The following CRPPA variants were observed in gnomAD, a reference collection of about 807,000 sequenced individuals.
CRPPA encodes D-ribitol-5-phosphate cytidylyltransferase.
Under a neutral mutation model 52.0 loss-of-function variants are expected in CRPPA, and 43 were observed. The ratio of observed to expected loss-of-function variants is 0.83; its 90% CI spans 0.65 to 1.07. The LOEUF is 1.07. CRPPA is among the 50% of genes least tolerant of loss of function. The pLI, the probability that CRPPA is intolerant of heterozygous loss-of-function variation, is 0.00. For missense variants in CRPPA, 629 were observed against 551.7 expected (o/e 1.14, Z -1.40); for synonymous variants, 250 against 203.5 (o/e 1.23, Z -1.94).
chr7:16,406,147 C>T lies in CRPPA; in HGVS notation c.448G>A (p.Glu150Lys). 1 of 1,614,000 alleles carries T rather than the reference C, an allele frequency of 6.2e-7. No individual in the cohort carries two copies. Among genetic ancestry groups the T allele is most frequent in the Non-Finnish European group, 8.5e-7 (1 of 1,179,880 alleles). The stretch of plus-strand genomic sequence containing the variant: ...ACAGCATCATGGATAATCACTACTT[C>T]TGGCTTAGAGAGTTTAGAGTTGATC... Reference protein sequence around the residue: ...DQINSKLSKPEVVIIHDAVRP... With the variant: ...DQINSKLSKPKVVIIHDAVRP... The change falls in exon 2 of 10, where the codon GAA becomes AAA. Residue 150 changes from glutamate (E) to lysine (K), a missense_variant. Transcript: ENST00000407010.
chr7:16,219,878 G>C (rs1782451076), intron 8 of CRPPA, among the ~76,000 whole-genome samples: 1 of 150,294 alleles, frequency 6.7e-6, no homozygotes, highest in African/African-American at 2.5e-5. Context: ...GGAGGAACTG[G>C]TACCATTCCT....
intron 5 of CRPPA, among the ~76,000 whole-genome samples, chr7:16,299,083 T>A (rs1235281073): frequency 1.3e-5 from 2 of 152,206 alleles, no homozygotes; most frequent in Non-Finnish European, 2.9e-5. Flanking sequence ...TCTCTGTACA[T>A]CCTACTGGTT....
chr7:16,141,853 TG>T (rs1782879092), intron 9 of CRPPA, among the ~76,000 whole-genome samples: 1 of 152,158 alleles, frequency 6.6e-6, no homozygotes, highest in Admixed American at 6.5e-5. Flanking sequence ...GCTCCTGTGG[TG>T]CTCCTTGGGT....
At position 16,163,966 on chromosome 7, in the gene CRPPA, G is replaced by C. The variant is rs371275813; in HGVS notation, c.1251+52100C>G. On this transcript the variant is annotated intron_variant, in intron 9 of 9. Coordinates refer to ENST00000407010, the MANE Select transcript of CRPPA (RefSeq NM_001101426.4). ...GCATTTTTTTCTTCATTTCAACCTT[G>C]ATGAATCTGACAATTACGTGTCTTG... is the stretch of plus-strand genomic sequence containing the variant. Among the ~76,000 whole-genome samples, 23 of 152,188 alleles carry C rather than the reference G, an allele frequency of 1.5e-4. No homozygotes were observed. In the East Asian group the frequency reaches 3.9e-3, roughly 26 times the overall value.
chr7:16,286,125 A>G, intron 5 of CRPPA, among the ~76,000 whole-genome samples: 1 of 114,486 alleles, frequency 8.7e-6, no homozygotes, highest in Non-Finnish European at 1.7e-5. Flanking sequence ...TATGCCAAAA[A>G]GAAACAATGT....
chr7:16,096,303 GA>G (rs1395292300), intron 9 of CRPPA, among the ~76,000 whole-genome samples: 1 of 151,338 alleles, frequency 6.6e-6, no homozygotes, highest in East Asian at 1.9e-4. Flanking sequence ...ATAATCAGGA[GA>G]AAAAAATAAT....
At chr7:16,246,793 G>A (rs1393156875) in intron 8 of CRPPA, among the ~76,000 whole-genome samples, 1 of 152,230 alleles carries the variant, frequency 6.6e-6, no homozygotes, top group African/African-American at 2.4e-5. Context: ...AAGCAGATGT[G>A]CTGTCATCCA....
intron 9 of CRPPA, among the ~76,000 whole-genome samples, chr7:16,103,864 T>C: frequency 6.6e-6 from 1 of 152,184 alleles, no homozygotes; most frequent in African/African-American, 2.4e-5. Flanking sequence ...ATAATATTGA[T>C]AATTTCTCAA....
chr7:16,306,488 A>C (rs1043394057), intron 4 of CRPPA, among the ~76,000 whole-genome samples: 9 of 152,236 alleles, frequency 5.9e-5, no homozygotes, highest in Admixed American at 6.5e-5. Flanking sequence ...TGTAACATTC[A>C]GAGAGTAATG....
chr7:16,379,811 A>T (rs1379005982), intron 2 of CRPPA, among the ~76,000 whole-genome samples: 1 of 152,184 alleles, frequency 6.6e-6, no homozygotes, highest in South Asian at 2.1e-4. Flanking sequence ...GATGTATAAG[A>T]ATGCTTGTGA....
At chr7:16,289,228 C>T (rs1029245511) in intron 5 of CRPPA, among the ~76,000 whole-genome samples, 2 of 151,922 alleles carry the variant, frequency 1.3e-5, no homozygotes, top group Admixed American at 6.6e-5. Context: ...CTCTCAAGAA[C>T]GAAAAGCCCA....
At chr7:16,307,099 T>A (rs1157927803) in intron 4 of CRPPA, among the ~76,000 whole-genome samples, 1 of 152,180 alleles carries the variant, frequency 6.6e-6, no homozygotes, top group Non-Finnish European at 1.5e-5. Context: ...AATATGCTTA[T>A]AGACTCAATT....
intron 8 of CRPPA, among the ~76,000 whole-genome samples, chr7:16,242,301 T>C (rs73291493): frequency 0.018 from 2,800 of 152,128 alleles, 102 homozygotes; most frequent in African/African-American, 0.064. Context: ...TTTTATGAAT[T>C]TACCTTTTAG....
chr7:16,387,074 T>TACAC (rs1379806975), intron 2 of CRPPA, among the ~76,000 whole-genome samples: 1,633 of 69,714 alleles, frequency 0.023, 64 homozygotes, highest in African/African-American at 0.12. Flanking sequence ...TATATATATA[T>TACAC]ATATATATAT....
At chr7:16,219,028 C>A (rs1233941158) in intron 8 of CRPPA, among the ~76,000 whole-genome samples, 1 of 152,134 alleles carries the variant, frequency 6.6e-6, no homozygotes, top group African/African-American at 2.4e-5. Flanking sequence ...CCAAAATTTA[C>A]CACATACTTG....
At chr7:16,360,988 G>C (rs1786429024) in intron 3 of CRPPA, among the ~76,000 whole-genome samples, 1 of 152,026 alleles carries the variant, frequency 6.6e-6, no homozygotes, top group Non-Finnish European at 1.5e-5. Flanking sequence ...TTAAGACCTA[G>C]AATACATAAA....
In CRPPA at chr7:16,405,947, C is replaced by A. The variant is rs558040613; in HGVS notation, c.534+114G>T. 80 of 931,740 alleles carry A rather than the reference C, an allele frequency of 8.6e-5. 1 individual carries two copies. In the East Asian group the frequency reaches 1.9e-3, roughly 22 times the overall value. The allele number at this position is 931,740 out of a possible 1,614,324, so 57.7% of individuals were successfully genotyped here. ...ACAAATCACCATAACATCTTTAGGTCATCATGCACATTTTAAATAATTTGA... is the reference window on the plus strand; with the variant it reads ...ACAAATCACCATAACATCTTTAGGTAATCATGCACATTTTAAATAATTTGA... On this transcript the variant is annotated intron_variant, in intron 2 of 9. Coordinates refer to ENST00000407010, the MANE Select transcript of CRPPA (RefSeq NM_001101426.4).
intron 9 of CRPPA, among the ~76,000 whole-genome samples, chr7:16,168,118 A>T (rs889007374): frequency 1.3e-5 from 2 of 152,118 alleles, no homozygotes; most frequent in African/African-American, 4.8e-5. Flanking sequence ...TAATAACTTG[A>T]TGTATAAAAA....
chr7:16,266,861 G>A (rs370599533), intron 6 of CRPPA, among the ~76,000 whole-genome samples: 3 of 152,154 alleles, frequency 2.0e-5, no homozygotes, highest in African/African-American at 4.8e-5. Context: ...TCTTTCTGTC[G>A]AGCTTTCATG....
Sources: gnomAD v4.1 joint callset for allele counts (sites outside exome capture counted in the v4.1 genomes callset) on GRCh38, gnomAD v4.1.1 for gene constraint, MANE v1.5 for transcripts, NCBI Gene and HGNC (gene_info 2026-07-23, HGNC 2026-07-21) for gene names.